Variants in NELL2 observed in about 807,000 individuals in gnomAD.
The protein encoded by NELL2 is protein kinase C-binding protein NELL2.
NELL2 carries 41 observed loss-of-function variants against 109.6 expected under a neutral mutation model. The observed-to-expected ratio is 0.37, with a 90% CI of 0.29 to 0.49. The LOEUF (loss-of-function observed/expected upper bound fraction) is 0.49, where lower values mean the gene tolerates loss of function less well. Ranked by LOEUF, NELL2 falls within the 20% of genes least tolerant of loss-of-function variation. NELL2 has a pLI of 0.98. For synonymous variants in NELL2, 355 were observed against 344.7 expected (o/e 1.03, Z -0.33); for missense variants, 900 against 1,008.3 (o/e 0.89, Z 1.45).
At chr12:44,513,024 T>C (rs1941070475) in intron 19 of NELL2, among the ~76,000 whole-genome samples, 1 of 152,034 alleles carries the variant, frequency 6.6e-6, no homozygotes, top group South Asian at 2.1e-4. Flanking sequence ...CTAATTACCC[T>C]GATCATTGCA....
chr12:44,816,042 T>C lies in NELL2; in HGVS notation c.279A>G (p.Leu93=), dbSNP rs1032339425. Residue 93 remains leucine (L), a synonymous_variant, in exon 3 of 20, where the codon CTA becomes CTG. Coordinates refer to ENST00000429094, the MANE Select transcript of NELL2 (RefSeq NM_001145108.2). ...CTCCTGAATTTAAGTGGGTCTGTTT[T>C]AGGGTCACCAAAATAGTAAATTCAT... The part of the protein sequence containing the change: ...NKHEFTILVT[L]KQTHLNSGVI... The C allele has an allele frequency of 2.5e-6, 4 of 1,613,824 alleles. No individual in the cohort carries two copies. The highest frequency in any genetic ancestry group is 3.3e-5 in the Admixed American group (2 of 59,948).
intron 13 of NELL2, among the ~76,000 whole-genome samples, chr12:44,664,599 C>G (rs1321073904): frequency 1.3e-5 from 2 of 152,044 alleles, no homozygotes; most frequent in African/African-American, 2.4e-5. Context: ...CTGAAAACAT[C>G]TAGGTTTTGT....
At chr12:44,718,034 A>G (rs1938580095) in intron 9 of NELL2, among the ~76,000 whole-genome samples, 1 of 152,222 alleles carries the variant, frequency 6.6e-6, no homozygotes, top group African/African-American at 2.4e-5. Context: ...CTTGCTCAGA[A>G]GGGCATGAGA....
chr12:44,755,855 A>G (rs999097124), intron 9 of NELL2, among the ~76,000 whole-genome samples: 1 of 152,220 alleles, frequency 6.6e-6, no homozygotes, highest in Non-Finnish European at 1.5e-5. Context: ...TCAAAATCCT[A>G]ACGATGGATG....
intron 3 of NELL2, among the ~76,000 whole-genome samples, chr12:44,794,206 C>T (rs1183299476): frequency 6.6e-6 from 1 of 152,174 alleles, no homozygotes; most frequent in Non-Finnish European, 1.5e-5. Context: ...GGTTAATCCA[C>T]TGTATGATAG....
chr12:44,544,808 T>C (rs1592096406), intron 15 of NELL2, among the ~76,000 whole-genome samples: 2 of 152,220 alleles, frequency 1.3e-5, no homozygotes, highest in East Asian at 3.9e-4. Context: ...TTGGACAAGA[T>C]ATCAGGGCTG....
At chr12:44,836,407 G>A (rs1033940880) in intron 2 of NELL2, among the ~76,000 whole-genome samples, 4 of 152,140 alleles carry the variant, frequency 2.6e-5, no homozygotes, top group African/African-American at 7.2e-5. Context: ...TGGCCTCCAG[G>A]TGAAACCACA....
At chr12:44,919,862 C>G (rs1945856074) in intron 1 of NELL2, among the ~76,000 whole-genome samples, 1 of 152,126 alleles carries the variant, frequency 6.6e-6, no homozygotes, top group Non-Finnish European at 1.5e-5. Context: ...CTAATACATG[C>G]ATTTAATATT....
chr12:44,532,745 T>G, intron 15 of NELL2, 24 bp from the exon 16 acceptor site: 2 of 1,593,594 alleles, frequency 1.3e-6, no homozygotes, highest in Non-Finnish European at 1.7e-6. Context: ...AGGGATTTTA[T>G]AAAATTATTT....
At chr12:44,713,177 TACACACACACACACAC>T (rs35017907) in intron 10 of NELL2, among the ~76,000 whole-genome samples, 11 of 141,910 alleles carry the variant, frequency 7.8e-5, no homozygotes, top group South Asian at 2.3e-4. Context: ...ATGAATAGGA[TACACACACACACACAC>T]ACACACACAC....
intron 11 of NELL2, among the ~76,000 whole-genome samples, chr12:44,709,352 A>G (rs1313521414): frequency 6.6e-6 from 1 of 152,156 alleles, no homozygotes; most frequent in East Asian, 1.9e-4. Flanking sequence ...GACCATAGGA[A>G]GAAGTCCTTA....
At chr12:44,724,571 G>A (rs1488679694) in intron 9 of NELL2, among the ~76,000 whole-genome samples, 1 of 151,780 alleles carries the variant, frequency 6.6e-6, no homozygotes, top group South Asian at 2.1e-4. Context: ...CCTCTACCAA[G>A]AGAATTACAA....
In NELL2 at chr12:44,628,060, C is replaced by T. The variant is rs11182583; in HGVS notation, c.1445-17090G>A. The stretch of plus-strand genomic sequence containing the variant: ...GTGAAGAGTTCAAAAGTAAAGGACA[C>T]GTACTTTATAATCAATGCTGAATGT... On this transcript the variant is annotated intron_variant, in intron 13 of 19. Coordinates refer to ENST00000429094, the MANE Select transcript of NELL2 (RefSeq NM_001145108.2). Among the ~76,000 whole-genome samples, 186 of 152,134 alleles carry T rather than the reference C, an allele frequency of 1.2e-3. 3 individuals are homozygous for T. The East Asian group carries it at 0.026, about 22-fold the overall frequency.
At chr12:44,791,817 G>A (rs1262697063) in intron 3 of NELL2, among the ~76,000 whole-genome samples, 1 of 151,988 alleles carries the variant, frequency 6.6e-6, no homozygotes, top group Non-Finnish European at 1.5e-5. Context: ...ACATTCAAGA[G>A]GACATATAGA....
intron 19 of NELL2, among the ~76,000 whole-genome samples, chr12:44,510,677 C>T (rs923384869): frequency 2.0e-5 from 3 of 152,162 alleles, no homozygotes; most frequent in Admixed American, 6.5e-5. Context: ...GTGACAGACT[C>T]AACCATTTCT....
intron 8 of NELL2, 62 bp from the exon 9 acceptor site, chr12:44,774,911 T>G (rs770285340): frequency 3.4e-5 from 44 of 1,282,008 alleles, no homozygotes; most frequent in African/African-American, 5.9e-5. Context: ...TCAAGAATTT[T>G]TGAATTCATT....
At chr12:44,806,721 C>T (rs1943013284) in intron 3 of NELL2, among the ~76,000 whole-genome samples, 2 of 151,774 alleles carry the variant, frequency 1.3e-5, no homozygotes, top group Admixed American at 6.6e-5. Flanking sequence ...CAGTATACTA[C>T]ATTTCAGTAG....
chr12:44,812,184 T>C (rs1943200989), intron 3 of NELL2, among the ~76,000 whole-genome samples: 1 of 152,174 alleles, frequency 6.6e-6, no homozygotes, highest in African/African-American at 2.4e-5. Flanking sequence ...CAGGCCTTCA[T>C]ATAGAAGGCT....
intron 1 of NELL2, among the ~76,000 whole-genome samples, chr12:44,885,532 A>C (rs1380808556): frequency 6.6e-6 from 1 of 151,920 alleles, no homozygotes; most frequent in Non-Finnish European, 1.5e-5. Flanking sequence ...TATATGATTT[A>C]TAACAGCATT....
Sources: gnomAD v4.1 joint callset for allele counts (sites outside exome capture counted in the v4.1 genomes callset) on GRCh38, gnomAD v4.1.1 for gene constraint, MANE v1.5 for transcripts, NCBI Gene and HGNC (gene_info 2026-07-23, HGNC 2026-07-21) for gene names.